LRRTM4: variants seen among roughly 807,000 people sequenced by gnomAD.
The protein encoded by LRRTM4 is leucine-rich repeat transmembrane neuronal protein 4.
A neutral mutation model predicts 47.6 loss-of-function variants in LRRTM4; 25 were observed. The observed-to-expected ratio is 0.53, with a 90% CI of 0.38 to 0.73. LRRTM4 has a LOEUF of 0.73. LRRTM4 is among the 30% of genes least tolerant of loss of function. The pLI, the probability that LRRTM4 is intolerant of heterozygous loss-of-function variation, is 0.00. For missense variants in LRRTM4, 638 were observed against 713.4 expected (o/e 0.89, Z 1.20); for synonymous variants, 311 against 269.5 (o/e 1.15, Z -1.51).
intron 3 of LRRTM4, among the ~76,000 whole-genome samples, chr2:77,028,072 G>A (rs1296326049): frequency 1.3e-5 from 2 of 151,826 alleles, no homozygotes; most frequent in Non-Finnish European, 2.9e-5. Flanking sequence ...ATGAGGCTTT[G>A]CTCAAATTAA....
intron 3 of LRRTM4, among the ~76,000 whole-genome samples, chr2:76,850,047 A>C (rs1301912173): frequency 1.3e-5 from 2 of 152,100 alleles, no homozygotes; most frequent in Non-Finnish European, 2.9e-5. Flanking sequence ...CTGATAGATA[A>C]TTATTTGACT....
At chr2:77,190,338 C>T (rs565960181) in intron 3 of LRRTM4, among the ~76,000 whole-genome samples, 7 of 142,698 alleles carry the variant, frequency 4.9e-5, no homozygotes, top group African/African-American at 1.9e-4. Flanking sequence ...TGTTGTCACC[C>T]AGGCTGGAGA....
At chr2:76,917,396 G>A (rs1175250094) in intron 3 of LRRTM4, among the ~76,000 whole-genome samples, 1 of 152,072 alleles carries the variant, frequency 6.6e-6, no homozygotes, top group Non-Finnish European at 1.5e-5. Flanking sequence ...ACAAACAAAA[G>A]TATATGTATT....
intron 3 of LRRTM4, among the ~76,000 whole-genome samples, chr2:76,831,785 C>G (rs2103896890): frequency 6.6e-6 from 1 of 152,148 alleles, no homozygotes; most frequent in Middle Eastern, 3.4e-3. Flanking sequence ...AACCTCTTTC[C>G]CATCCTTAAT....
intron 3 of LRRTM4, among the ~76,000 whole-genome samples, chr2:76,992,314 G>A (rs574626404): frequency 2.2e-4 from 34 of 151,746 alleles, no homozygotes; most frequent in African/African-American, 7.0e-4. Context: ...AGAAATGAAA[G>A]GCATCCAAAT....
chr2:77,296,697 C>G (rs1676983063), intron 3 of LRRTM4, among the ~76,000 whole-genome samples: 1 of 152,112 alleles, frequency 6.6e-6, no homozygotes, highest in Admixed American at 6.5e-5. Context: ...ACTTTACCTG[C>G]TGTAAGTAAG....
chr2:77,222,327 G>A (rs1043120981), intron 3 of LRRTM4, among the ~76,000 whole-genome samples: 1 of 152,086 alleles, frequency 6.6e-6, no homozygotes, highest in Non-Finnish European at 1.5e-5. Flanking sequence ...ACATTCAAAA[G>A]CTAGCAGAAG....
At chr2:77,315,688 G>A (rs1231932514) in intron 3 of LRRTM4, among the ~76,000 whole-genome samples, 3 of 151,880 alleles carry the variant, frequency 2.0e-5, no homozygotes, top group Admixed American at 2.0e-4. Context: ...CAATATAATT[G>A]TACATTCTCT....
intron 3 of LRRTM4, among the ~76,000 whole-genome samples, chr2:77,468,748 T>G (rs751368103): frequency 3.9e-5 from 6 of 152,114 alleles, no homozygotes; most frequent in Admixed American, 6.5e-5. Context: ...CCTGCTCTCC[T>G]CCTGGTGCCA....
intron 3 of LRRTM4, among the ~76,000 whole-genome samples, chr2:77,477,282 G>A (rs1414032222): frequency 6.6e-6 from 1 of 152,036 alleles, no homozygotes; most frequent in African/African-American, 2.4e-5. Flanking sequence ...AATTCTGAGT[G>A]ATATCATGGA....
intron 3 of LRRTM4, among the ~76,000 whole-genome samples, chr2:77,223,673 C>A (rs191824190): frequency 0.011 from 1,649 of 152,054 alleles, 12 homozygotes; most frequent in African/African-American, 0.03. Context: ...AACCTCTTCA[C>A]GGAGAACTAC....
intron 3 of LRRTM4, among the ~76,000 whole-genome samples, chr2:77,014,206 A>G (rs1677974660): frequency 6.6e-6 from 1 of 152,172 alleles, no homozygotes; most frequent in Admixed American, 6.5e-5. Context: ...CAAGGCTGAG[A>G]AGGCCAAATT....
At chr2:77,293,631 GA>G (rs1178649986) in intron 3 of LRRTM4, among the ~76,000 whole-genome samples, 3 of 152,048 alleles carry the variant, frequency 2.0e-5, no homozygotes, top group Non-Finnish European at 4.4e-5. Flanking sequence ...ATATTTTTGT[GA>G]AAAAACATTG....
chr2:77,474,514 T>C (rs1677309258), intron 3 of LRRTM4, among the ~76,000 whole-genome samples: 1 of 152,112 alleles, frequency 6.6e-6, no homozygotes, highest in Non-Finnish European at 1.5e-5. Context: ...AAGGTTGGAA[T>C]AGAATCAATA....
chr2:77,039,934 AATT>A lies in LRRTM4; in HGVS notation c.1552-291021_1552-291019del, dbSNP rs373201829. Reference sequence around the variant, plus strand: ...AATATTAATAAAATATTTTTAAAATAATTATTTTCTTAGCTGTTAATTACTTAA... The same window carrying A: ...AATATTAATAAAATATTTTTAAAATAATTTTCTTAGCTGTTAATTACTTAA... On this transcript the variant is annotated intron_variant, in intron 3 of 3. Coordinates refer to ENST00000409884, the MANE Select transcript of LRRTM4 (RefSeq NM_001134745.3). Among the ~76,000 whole-genome samples the A allele has an allele frequency of 3.6e-4, 54 of 151,270 alleles. No individual in the cohort carries two copies. In the East Asian group the frequency reaches 8.9e-3, roughly 25 times the overall value.
At chr2:76,781,495 C>A (rs978032242) in intron 3 of LRRTM4, among the ~76,000 whole-genome samples, 1 of 152,336 alleles carries the variant, frequency 6.6e-6, no homozygotes, top group African/African-American at 2.4e-5. Flanking sequence ...GCGCAGTATT[C>A]GGGTGGGAGT....
intron 3 of LRRTM4, among the ~76,000 whole-genome samples, chr2:77,462,325 G>T (rs1676820699): frequency 6.6e-6 from 1 of 152,040 alleles, no homozygotes; most frequent in African/African-American, 2.4e-5. Flanking sequence ...AATTATTATT[G>T]TTGCTAACGA....
intron 3 of LRRTM4, among the ~76,000 whole-genome samples, chr2:76,978,216 A>G (rs930599358): frequency 2.0e-5 from 3 of 152,050 alleles, no homozygotes; most frequent in Non-Finnish European, 4.4e-5. Flanking sequence ...GTTCAGCATT[A>G]TATGACTCAG....
intron 3 of LRRTM4, among the ~76,000 whole-genome samples, chr2:77,070,683 G>T (rs1050948517): frequency 6.6e-6 from 1 of 151,990 alleles, no homozygotes; most frequent in Non-Finnish European, 1.5e-5. Context: ...CAGGCTAGAG[G>T]GCAATGGCAT....
Sources: allele counts gnomAD v4.1 joint callset (sites outside exome capture counted in the v4.1 genomes callset), GRCh38; gene constraint gnomAD v4.1.1; transcripts MANE v1.5; gene names NCBI Gene and HGNC (gene_info 2026-07-23, HGNC 2026-07-21).